TACC2: variants seen among roughly 807,000 people sequenced by gnomAD.
TACC2 encodes the protein transforming acidic coiled-coil-containing protein 2.
Under a neutral mutation model 227.3 loss-of-function variants are expected in TACC2, and 137 were observed. That is an observed-to-expected ratio of 0.60 (90% CI 0.52 to 0.69). TACC2 has a LOEUF of 0.69. TACC2 is among the 30% of genes least tolerant of loss of function. The pLI, the probability that TACC2 is intolerant of heterozygous loss-of-function variation, is 0.00. For synonymous variants in TACC2, 1,523 were observed against 1,487.5 expected (o/e 1.02, Z -0.55); for missense variants, 3,470 against 3,694.4 (o/e 0.94, Z 1.57).
chr10:122,226,530 A>G (rs780048149), intron 13 of TACC2, 49 bp downstream of exon 13: 1 of 1,314,916 alleles, frequency 7.6e-7, no homozygotes, highest in Non-Finnish European at 1.1e-6. Flanking sequence ...GATGTTCTAA[A>G]GCCTCTGAGC....
chr10:122,168,050 C>CTT lies in TACC2; in HGVS notation c.5834+24365_5834+24366dup, dbSNP rs57366476. On this transcript the variant is annotated intron_variant, in intron 7 of 22. Transcript: ENST00000369005. ...TATAGGTACACATCACCATGCCCAG[C>CTT]TTTTTTTTTTTTTTTTTTTTTTAAA... Among the ~76,000 whole-genome samples, 407 of 131,672 alleles carry CTT rather than the reference C, an allele frequency of 3.1e-3. 4 individuals are homozygous for CTT. Among genetic ancestry groups the CTT allele is most frequent in the African/African-American group, 9.6e-3 (323 of 33,480 alleles). The allele number at this position is 131,672 out of a possible 152,430, so 86.4% of individuals were successfully genotyped here.
At chr10:121,996,903 A>G (rs1953576148) in intron 1 of TACC2, among the ~76,000 whole-genome samples, 3 of 152,068 alleles carry the variant, frequency 2.0e-5, no homozygotes, top group Admixed American at 1.3e-4. Flanking sequence ...ATGGGAATCA[A>G]TGGACTCTCC....
rs1355105230 is a variant in TACC2, at chr10:122,141,589, C to G, written c.5700-1983C>G. Among the ~76,000 whole-genome samples, 1 of 152,044 alleles carries G rather than the reference C, an allele frequency of 6.6e-6. No homozygotes were observed. Among genetic ancestry groups the G allele is most frequent in the East Asian group, 1.9e-4 (1 of 5,182 alleles). On this transcript the variant is annotated intron_variant, in intron 6 of 22. Transcript: ENST00000369005. This position sits in a 1 kb window ranked among gnomAD's most constrained non-coding sequence, Gnocchi z 4.3. ...TTCTCAGAGATGGGGCAGGTGTAGCCTTGGGCATCTGCATCAGATCCCAGG... is the reference window on the plus strand; with the variant it reads ...TTCTCAGAGATGGGGCAGGTGTAGCGTTGGGCATCTGCATCAGATCCCAGG...
At chr10:121,991,980 G>A (rs188529351) in intron 1 of TACC2, among the ~76,000 whole-genome samples, 94 of 152,238 alleles carry the variant, frequency 6.2e-4, no homozygotes, top group Middle Eastern at 6.8e-3. Flanking sequence ...ATCAGATTTC[G>A]TGAGACTTAT....
intron 1 of TACC2, among the ~76,000 whole-genome samples, chr10:122,003,971 A>G (rs942777275): frequency 4.6e-5 from 7 of 152,074 alleles, no homozygotes; most frequent in Admixed American, 1.3e-4. Context: ...CTGCCTTTAT[A>G]AAACTAATGA....
chr10:122,025,900 G>C (rs185296187), intron 2 of TACC2, among the ~76,000 whole-genome samples: 79 of 151,902 alleles, frequency 5.2e-4, no homozygotes, highest in African/African-American at 1.6e-3. Flanking sequence ...TTTTTAAAGA[G>C]TTTTCAGAGT....
chr10:122,081,578 C>A (rs1435350445), intron 3 of TACC2, among the ~76,000 whole-genome samples: 1 of 148,262 alleles, frequency 6.7e-6, no homozygotes, highest in African/African-American at 2.5e-5. Flanking sequence ...AATTGAGCAA[C>A]ATAGTCCAAA....
At chr10:122,002,918 T>A (rs915067376) in intron 1 of TACC2, among the ~76,000 whole-genome samples, 1 of 152,124 alleles carries the variant, frequency 6.6e-6, no homozygotes, top group Admixed American at 6.6e-5. Flanking sequence ...GAATTAGGCT[T>A]TTGTCTGGGC....
intron 7 of TACC2, among the ~76,000 whole-genome samples, chr10:122,147,665 A>G (rs893259370): frequency 6.6e-6 from 1 of 152,282 alleles, no homozygotes; most frequent in East Asian, 1.9e-4. Flanking sequence ...TATTCATTTT[A>G]TTCTTTGGGT....
At chr10:122,133,541 A>G (rs1029431668) in intron 6 of TACC2, among the ~76,000 whole-genome samples, 6 of 152,096 alleles carry the variant, frequency 3.9e-5, no homozygotes, top group African/African-American at 1.2e-4. Flanking sequence ...GTGTGTGTCT[A>G]TGAATACACG....
At chr10:122,136,392 G>A (rs2089640259) in intron 6 of TACC2, among the ~76,000 whole-genome samples, 1 of 152,142 alleles carries the variant, frequency 6.6e-6, no homozygotes, top group Non-Finnish European at 1.5e-5. Flanking sequence ...GAGGCAGAGG[G>A]TGGGATGCGG....
chr10:122,133,931 A>AG (rs889333906), intron 6 of TACC2, among the ~76,000 whole-genome samples: 38 of 152,100 alleles, frequency 2.5e-4, no homozygotes, highest in Non-Finnish European at 4.3e-4. Context: ...GAACCAGATG[A>AG]GGGGGGGACA....
chr10:122,193,701 AC>A (rs1335460262), intron 7 of TACC2, among the ~76,000 whole-genome samples: 1 of 152,094 alleles, frequency 6.6e-6, no homozygotes, highest in African/African-American at 2.4e-5. Context: ...AGTCTGTTTA[AC>A]CCTTCCAAAA....
chr10:121,997,320 T>A (rs1282393552), intron 1 of TACC2, among the ~76,000 whole-genome samples: 45 of 152,116 alleles, frequency 3.0e-4, no homozygotes, highest in Non-Finnish European at 2.2e-4. Context: ...TCTCCTCTGC[T>A]GGGATCTTAC....
intron 3 of TACC2, among the ~76,000 whole-genome samples, chr10:122,074,347 TG>T (rs1292389043): frequency 6.6e-6 from 1 of 152,158 alleles, no homozygotes; most frequent in African/African-American, 2.4e-5. Flanking sequence ...CCCAAAGTGC[TG>T]GGATTATAGG....
intron 2 of TACC2, among the ~76,000 whole-genome samples, chr10:122,033,607 G>A (rs1010182436): frequency 1.3e-5 from 2 of 152,170 alleles, no homozygotes; most frequent in African/African-American, 4.8e-5. Context: ...TCAGTGTCAT[G>A]CAACAATGTG....
chr10:122,196,165 C>T (rs1484570861), intron 8 of TACC2, among the ~76,000 whole-genome samples: 3 of 152,232 alleles, frequency 2.0e-5, no homozygotes, highest in Non-Finnish European at 4.4e-5. Context: ...GCCAGGTAAA[C>T]TGAACAATAC....
intron 7 of TACC2, among the ~76,000 whole-genome samples, chr10:122,176,117 C>CTATATATATATATATATATA (rs35172894): frequency 5.5e-5 from 3 of 54,644 alleles, no homozygotes; most frequent in African/African-American, 7.0e-5. Context: ...CTCTCTCTCT[C>CTATATATATATATATATATA]TATATATATA....
chr10:122,253,667 C>T (rs1353222778), intron 22 of TACC2, among the ~76,000 whole-genome samples: 1 of 152,252 alleles, frequency 6.6e-6, no homozygotes, highest in Non-Finnish European at 1.5e-5. Flanking sequence ...GGAAAGGAAC[C>T]AGACTAGTTA....
Sources: allele counts gnomAD v4.1 joint callset (sites outside exome capture counted in the v4.1 genomes callset), GRCh38; gene constraint gnomAD v4.1.1; non-coding constraint Gnocchi (gnomAD v3.1); transcripts MANE v1.5; gene names NCBI Gene and HGNC (gene_info 2026-07-23, HGNC 2026-07-21).